DCC: variants seen among roughly 807,000 people sequenced by gnomAD.
The protein encoded by DCC is netrin receptor DCC.
DCC carries 58 observed loss-of-function variants against 172.5 expected under a neutral mutation model. That is an observed-to-expected ratio of 0.34 (90% CI 0.27 to 0.42). The LOEUF (loss-of-function observed/expected upper bound fraction) is 0.42. Among genes scored for constraint, DCC ranks in the 10% least tolerant of loss-of-function variants. The pLI is 1.00. For missense variants in DCC, 1,740 were observed against 1,791.0 expected (o/e 0.97, Z 0.51); for synonymous variants, 709 against 644.5 (o/e 1.10, Z -1.52).
intron 1 of DCC, among the ~76,000 whole-genome samples, chr18:52,693,817 T>G (rs576131109): frequency 2.6e-5 from 4 of 152,056 alleles, no homozygotes; most frequent in Non-Finnish European, 5.9e-5. Context: ...CAAAATAGGA[T>G]GGGATTGGAT....
chr18:52,925,117 C>T, intron 4 of DCC, 117 bp from the exon 5 acceptor site: 2 of 1,023,034 alleles, frequency 2.0e-6, no homozygotes, highest in South Asian at 1.3e-5. Context: ...CCTTATGATA[C>T]ACAGTTTCTT....
chr18:53,272,784 A>T (rs1183136409), intron 12 of DCC, among the ~76,000 whole-genome samples: 2 of 152,044 alleles, frequency 1.3e-5, no homozygotes, highest in Non-Finnish European at 2.9e-5. Context: ...ACTTCTTAAT[A>T]TTTTTCCTTA....
intron 2 of DCC, among the ~76,000 whole-genome samples, chr18:52,799,798 T>TATTG (rs1491140324): frequency 2.6e-5 from 4 of 151,576 alleles, no homozygotes; most frequent in African/African-American, 9.6e-5. Context: ...CTTTGTTTTA[T>TATTG]CTGTTAATAA....
chr18:52,593,953 A>G (rs866168538), intron 1 of DCC, among the ~76,000 whole-genome samples: 1 of 152,196 alleles, frequency 6.6e-6, no homozygotes. Flanking sequence ...CTTCCAGGTA[A>G]TGCAATTCCA....
At chr18:52,938,958 C>A (rs1398504817) in intron 5 of DCC, among the ~76,000 whole-genome samples, 1 of 152,076 alleles carries the variant, frequency 6.6e-6, no homozygotes, top group Non-Finnish European at 1.5e-5. Flanking sequence ...TTCTATAACC[C>A]ATTTTCATCC....
In DCC at chr18:52,461,861, T is replaced by A. The variant is rs377105336; in HGVS notation, c.91+120983T>A. The stretch of plus-strand genomic sequence containing the variant: ...TCTCCCCGAAACTACAGTCATTTTT[T>A]CAACTGTGCACTGGAAAGTCTAATA... On this transcript the variant is annotated intron_variant, in intron 1 of 28. Transcript: ENST00000442544. 9.2e-4 allele frequency among the ~76,000 whole-genome samples: 140 copies of A among 152,326 alleles called. 3 individuals carry two copies. The South Asian group carries it at 0.023, about 25-fold the overall frequency.
intron 27 of DCC, among the ~76,000 whole-genome samples, chr18:53,511,997 T>G (rs984345155): frequency 2.0e-5 from 3 of 152,134 alleles, no homozygotes; most frequent in South Asian, 2.1e-4. Context: ...CTCTGTAGGC[T>G]CCACCTCTGG....
At chr18:52,552,829 C>T (rs2032812573) in intron 1 of DCC, among the ~76,000 whole-genome samples, 2 of 151,482 alleles carry the variant, frequency 1.3e-5, no homozygotes, top group Non-Finnish European at 2.9e-5. Flanking sequence ...AATAAATGGG[C>T]TAAAGGAAAA....
chr18:52,751,997 T>G (rs2037001859), intron 1 of DCC, 57 bp from the exon 2 acceptor site: 1 of 1,452,554 alleles, frequency 6.9e-7, no homozygotes. Flanking sequence ...ACAGGGAATC[T>G]AAGCCTGAGA....
At chr18:53,138,676 G>A (rs2043783558) in intron 7 of DCC, among the ~76,000 whole-genome samples, 1 of 152,136 alleles carries the variant, frequency 6.6e-6, no homozygotes, top group Non-Finnish European at 1.5e-5. Context: ...TCTCTGCCTT[G>A]TAGACTGAAG....
At chr18:53,320,264 G>T (rs1450555369) in intron 13 of DCC, among the ~76,000 whole-genome samples, 1 of 151,924 alleles carries the variant, frequency 6.6e-6, no homozygotes, top group East Asian at 1.9e-4. Flanking sequence ...AGTAGAGACG[G>T]GGTTCCACCG....
intron 1 of DCC, among the ~76,000 whole-genome samples, chr18:52,357,055 G>A (rs868261398): frequency 1.3e-5 from 2 of 152,160 alleles, no homozygotes; most frequent in African/African-American, 4.8e-5. Context: ...AAAGTGCTGG[G>A]ATTATAGGCA....
intron 2 of DCC, among the ~76,000 whole-genome samples, chr18:52,853,040 T>G (rs2039001216): frequency 6.6e-6 from 1 of 152,176 alleles, no homozygotes; most frequent in South Asian, 2.1e-4. Flanking sequence ...GCTTTCCTCA[T>G]TTTATAATAT....
intron 12 of DCC, among the ~76,000 whole-genome samples, chr18:53,264,194 A>G (rs1199462301): frequency 6.6e-6 from 1 of 152,158 alleles, no homozygotes; most frequent in Non-Finnish European, 1.5e-5. Flanking sequence ...AGCAGTATTT[A>G]AAAGAAACAC....
At chr18:53,156,783 A>G (rs1448807592) in intron 7 of DCC, among the ~76,000 whole-genome samples, 1 of 152,172 alleles carries the variant, frequency 6.6e-6, no homozygotes, top group Non-Finnish European at 1.5e-5. Context: ...GAATTGTAAT[A>G]CCGTCTTTTA....
chr18:52,649,665 T>A (rs1598986969), intron 1 of DCC, among the ~76,000 whole-genome samples: 1 of 152,182 alleles, frequency 6.6e-6, no homozygotes, highest in African/African-American at 2.4e-5. Flanking sequence ...AAATGTAGTA[T>A]TGACTTTCTG....
intron 1 of DCC, among the ~76,000 whole-genome samples, chr18:52,671,607 T>TTGGCTGAC (rs200567777): frequency 0.014 from 2,097 of 151,176 alleles, 57 homozygotes; most frequent in African/African-American, 0.048. Context: ...TGGTGTGATC[T>TTGGCTGAC]TGGCTGACTG....
chr18:53,030,890 A>C (rs751206325), intron 5 of DCC, among the ~76,000 whole-genome samples: 1 of 152,090 alleles, frequency 6.6e-6, no homozygotes, highest in Non-Finnish European at 1.5e-5. Context: ...TTTATCTATC[A>C]CCTTCTTGAG....
chr18:52,758,309 G>T (rs2037107915), intron 2 of DCC, among the ~76,000 whole-genome samples: 1 of 152,112 alleles, frequency 6.6e-6, no homozygotes, highest in African/African-American at 2.4e-5. Flanking sequence ...TTCAGGCGAA[G>T]TTTGCATATT....
Sources: gnomAD v4.1 joint callset for allele counts (sites outside exome capture counted in the v4.1 genomes callset) on GRCh38, gnomAD v4.1.1 for gene constraint, MANE v1.5 for transcripts, NCBI Gene and HGNC (gene_info 2026-07-23, HGNC 2026-07-21) for gene names.